Variants in ATP2B4 observed in about 807,000 individuals in gnomAD.
ATP2B4 encodes the protein ATPase plasma membrane Ca2+ transporting 4.
ATP2B4 carries 39 observed loss-of-function variants against 110.3 expected under a neutral mutation model. The observed-to-expected ratio is 0.35, with a 90% CI of 0.27 to 0.46. The LOEUF (loss-of-function observed/expected upper bound fraction) is 0.46. Ranked by LOEUF, ATP2B4 falls within the 20% of genes least tolerant of loss-of-function variation. The probability of loss-of-function intolerance (pLI) is 1.00; values close to 1 mark genes in which losing one functional copy is unlikely to be tolerated. For missense variants in ATP2B4, 1,135 were observed against 1,530.9 expected (o/e 0.74, Z 4.32); for synonymous variants, 538 against 571.7 (o/e 0.94, Z 0.84).
At chr1:203,732,157 C>CA (rs567953858) in intron 20 of ATP2B4, among the ~76,000 whole-genome samples, 1,207 of 47,668 alleles carry the variant, frequency 0.025, 12 homozygotes, top group African/African-American at 0.049. Flanking sequence ...GCCTGGGTGT[C>CA]AAAAAAAAAA....
chr1:203,686,221 A>G (rs1436476233), intron 2 of ATP2B4, among the ~76,000 whole-genome samples: 1 of 152,150 alleles, frequency 6.6e-6, no homozygotes, highest in Non-Finnish European at 1.5e-5. Flanking sequence ...TACTTTACAA[A>G]CACCCATCAG....
At chr1:203,657,830 A>G in intron 1 of ATP2B4, 1 of 495,096 alleles carries the variant, frequency 2.0e-6, no homozygotes. Context: ...AAGGTCTCAG[A>G]GACTCCACGC....
At chr1:203,644,443 G>C (rs1006623960) in intron 1 of ATP2B4, among the ~76,000 whole-genome samples, 2 of 152,142 alleles carry the variant, frequency 1.3e-5, no homozygotes, top group African/African-American at 4.8e-5. Flanking sequence ...GGGTGGTCTA[G>C]AGAAGTGAGT....
Position 203,739,831 on chromosome 1 carries a change from C to T in ATP2B4, c.3595C>T (p.Gln1199Ter). ...GCTCCCCCAGTCGGACAGCTCTCTACAGAGCCTAGAGACATCAGTTTGAAT... is the reference window on the plus strand; with the variant it reads ...GCTCCCCCAGTCGGACAGCTCTCTATAGAGCCTAGAGACATCAGTTTGAAT... ...VQLPQSDSSL[Q>*]SLETSV Residue 1199 changes from glutamine to a stop codon, truncating the protein, a stop_gained, in exon 21 of 21, where the codon CAG (glutamine) becomes TAG (stop). Coordinates refer to ENST00000357681, the MANE Select transcript of ATP2B4 (RefSeq NM_001684.5). LOFTEE classifies it high-confidence loss of function. The T allele has an allele frequency of 1.2e-6, 2 of 1,613,830 alleles. No homozygotes were observed. The highest frequency in any genetic ancestry group is 1.7e-6 in the Non-Finnish European group (2 of 1,179,952).
intron 1 of ATP2B4, among the ~76,000 whole-genome samples, chr1:203,682,001 A>G (rs1213014434): frequency 7.5e-6 from 1 of 134,118 alleles, no homozygotes; most frequent in Admixed American, 8.0e-5. Flanking sequence ...TTCTCCCCAA[A>G]AGCCTCTTGG....
chr1:203,719,026 A>G (rs950958697), intron 15 of ATP2B4, among the ~76,000 whole-genome samples: 3 of 151,890 alleles, frequency 2.0e-5, no homozygotes, highest in Non-Finnish European at 4.4e-5. Context: ...GGATTTCGAG[A>G]CCAGCCTGGA....
At chr1:203,686,139 TTCAG>T (rs1665173250) in intron 2 of ATP2B4, among the ~76,000 whole-genome samples, 1 of 152,224 alleles carries the variant, frequency 6.6e-6, no homozygotes, top group African/African-American at 2.4e-5. Flanking sequence ...GATTTCTTTA[TTCAG>T]TCACTTTTAC....
chr1:203,639,947 T>C (rs1364105354), intron 1 of ATP2B4, among the ~76,000 whole-genome samples: 2 of 152,178 alleles, frequency 1.3e-5, no homozygotes, highest in East Asian at 3.8e-4. Context: ...AGAGGCAATG[T>C]GGTATAAAGG....
chr1:203,695,479 C>T (rs1665504908), intron 2 of ATP2B4, among the ~76,000 whole-genome samples: 2 of 152,156 alleles, frequency 1.3e-5, no homozygotes, highest in Non-Finnish European at 2.9e-5. Context: ...AGAGGTTTGG[C>T]CAAACCTCAC....
Position 203,722,563 on chromosome 1 carries a change from C to G in ATP2B4, c.2898C>G (p.Thr966=), listed in dbSNP as rs138297920. ...PSQHYTIVFN[T]FVLMQLFNEI... ...AGCACTATACCATTGTTTTTAACAC[C>G]TTCGTGCTGATGCAGCTCTTCAATG... is the stretch of plus-strand genomic sequence containing the variant. The change falls in exon 18 of 21, where the codon ACC becomes ACG. Residue 966 remains threonine, a synonymous_variant. Coordinates refer to ENST00000357681, the MANE Select transcript of ATP2B4 (RefSeq NM_001684.5). 6 of 1,614,052 alleles carry G rather than the reference C, an allele frequency of 3.7e-6. No homozygotes were observed. Among genetic ancestry groups the G allele is most frequent in the Non-Finnish European group, 5.1e-6 (6 of 1,180,020 alleles).
chr1:203,720,688 C>T lies in ATP2B4; in HGVS notation c.2546C>T (p.Thr849Ile). ...SISKFLQFQL[T>I]VNVVAVIVAF... The stretch of plus-strand genomic sequence containing the variant: ...TCCAAGTTCCTGCAGTTCCAGCTCA[C>T]TGTCAATGTGGTGGCCGTGATTGTA... Residue 849 changes from threonine to isoleucine, a missense_variant, in exon 16 of 21, where the codon ACT (threonine) becomes ATT (isoleucine). By Grantham distance (89) the Thr-to-Ile change is moderately conservative (BLOSUM62 -1). This residue lies in a region of ATP2B4 where 70 missense variants were observed against 142.4 expected (regional missense o/e 0.49). Transcript: ENST00000357681. The T allele has an allele frequency of 6.2e-7, 1 of 1,614,122 alleles. No individual in the cohort carries two copies. Among genetic ancestry groups the T allele is most frequent in the Non-Finnish European group, 8.5e-7 (1 of 1,179,976 alleles).
chr1:203,672,017 G>A (rs943293837), intron 1 of ATP2B4, among the ~76,000 whole-genome samples: 11 of 152,192 alleles, frequency 7.2e-5, no homozygotes, highest in East Asian at 3.9e-4. Flanking sequence ...GCAGCTGGTG[G>A]GGGCTGGGGG....
At position 203,683,199 on chromosome 1, in the gene ATP2B4, A is replaced by G; in HGVS notation, c.-7A>G. The G allele has an allele frequency of 6.2e-7, 1 of 1,612,228 alleles. No individual in the cohort carries two copies. Among genetic ancestry groups the G allele is most frequent in the Non-Finnish European group, 8.5e-7 (1 of 1,178,832 alleles). On this transcript the variant is annotated 5_prime_UTR_variant, in exon 2 of 21. Transcript: ENST00000357681. Reference sequence around the variant, plus strand: ...TCTGGTTGAGGGGCTTGGTAACAGCAGGCAAAATGACGAACCCATCAGACC... The same window carrying G: ...TCTGGTTGAGGGGCTTGGTAACAGCGGGCAAAATGACGAACCCATCAGACC...
rs532428056 is a variant in ATP2B4 at position 203,714,208 on chromosome 1, C to G, written c.2337C>G (p.Val779=). The G allele has an allele frequency of 5.6e-6, 9 of 1,614,146 alleles. No homozygotes were observed. Among genetic ancestry groups the G allele is most frequent in the South Asian group, 1.1e-5 (1 of 91,078 alleles). The change falls in exon 15 of 21, where the codon GTC becomes GTG. Residue 779 remains valine (V), a synonymous_variant. Transcript: ENST00000357681. ...GCACTGTTGGGGAACACCGGCAGGTCGTGGCTGTCACTGGTGATGGCACAA... is the reference window on the plus strand; with the variant it reads ...GCACTGTTGGGGAACACCGGCAGGTGGTGGCTGTCACTGGTGATGGCACAA... The part of the protein sequence containing the change: ...IDSTVGEHRQ[V]VAVTGDGTND...
chr1:203,740,106 G>A lies in ATP2B4; in HGVS notation c.*252G>A. 4.4e-6 allele frequency: 2 copies of A among 449,702 alleles called. No homozygotes were observed. Among genetic ancestry groups the A allele is most frequent in the Non-Finnish European group, 7.9e-6 (2 of 253,784 alleles). 27.9% of individuals were successfully genotyped at this position (449,702 alleles called of 1,614,324 possible). On this transcript the variant is annotated 3_prime_UTR_variant, in exon 21 of 21. Coordinates refer to ENST00000357681, the MANE Select transcript of ATP2B4 (RefSeq NM_001684.5). ...CAGGTCATGGTAGAATCTACTCCTT[G>A]GTAGTCACTTGTCATTTTTAAAGAA...
intron 2 of ATP2B4, among the ~76,000 whole-genome samples, chr1:203,683,666 C>CTTTTTTTTTTTTTT (rs11326748): frequency 1.1e-3 from 89 of 77,674 alleles, no homozygotes; most frequent in East Asian, 2.4e-3. Flanking sequence ...TCTTTTGTTT[C>CTTTTTTTTTTTTTT]TTTTTTTTTT....
rs573706442 is a variant in ATP2B4 at position 203,739,785 on chromosome 1, G to A, written c.3549G>A (p.Ala1183=). Residue 1183 remains alanine (A), a synonymous_variant, in exon 21 of 21, where the codon GCG becomes GCA. Coordinates refer to ENST00000357681, the MANE Select transcript of ATP2B4 (RefSeq NM_001684.5). ...CATATGCCAATACAAACAACAATGCGGTGGATTGCAACCAAGTGCAGCTCC... is the reference window on the plus strand; with the variant it reads ...CATATGCCAATACAAACAACAATGCAGTGGATTGCAACCAAGTGCAGCTCC... The part of the protein sequence containing the change: ...VTPYANTNNN[A]VDCNQVQLPQ... The A allele has an allele frequency of 2.0e-5, 33 of 1,614,122 alleles. No homozygotes were observed. The highest frequency in any genetic ancestry group is 1.2e-4 in the South Asian group (11 of 91,078).
chr1:203,721,290 T>G lies in ATP2B4; in HGVS notation c.2692T>G (p.Ser898Ala). The G allele has an allele frequency of 6.2e-7, 1 of 1,614,234 alleles. No individual in the cohort carries two copies. Among genetic ancestry groups the G allele is most frequent in the Middle Eastern group, 1.6e-4 (1 of 6,062 alleles). ...CCTGGCCACAGAGCCCCCTACGGAA[T>G]CTCTGTTGAAGCGGCGCCCCTATGG... ...LALATEPPTE[S>A]LLKRRPYGRN... Residue 898 changes from serine to alanine, a missense_variant, in exon 17 of 21, where the codon TCT becomes GCT. Around this residue, in one of 9 missense-constraint regions of ATP2B4, gnomAD observed 155 missense variants for 186.2 expected, o/e 0.83. Coordinates refer to ENST00000357681, the MANE Select transcript of ATP2B4 (RefSeq NM_001684.5).
chr1:203,723,160 G>T (rs898935509), intron 18 of ATP2B4, among the ~76,000 whole-genome samples: 4 of 151,830 alleles, frequency 2.6e-5, no homozygotes, highest in African/African-American at 4.8e-5. Context: ...ATATTACATA[G>T]TCAGCCCAGC....
Sources: allele counts gnomAD v4.1 joint callset (sites outside exome capture counted in the v4.1 genomes callset), GRCh38; gene constraint gnomAD v4.1.1; regional missense constraint gnomAD v4.1.1; transcripts MANE v1.5; gene names NCBI Gene and HGNC (gene_info 2026-07-23, HGNC 2026-07-21).